Variants in PIEZO2 observed in about 807,000 individuals in gnomAD.
The protein encoded by PIEZO2 is piezo type mechanosensitive ion channel component 2.
PIEZO2 carries 172 observed loss-of-function variants against 337.3 expected under a neutral mutation model. The observed-to-expected ratio is 0.51, with a 90% CI of 0.45 to 0.58. The LOEUF is 0.58. Among genes scored for constraint, PIEZO2 ranks in the 20% least tolerant of loss-of-function variants. PIEZO2 has a pLI of 0.00. For missense variants in PIEZO2, 3,028 were observed against 3,391.3 expected (o/e 0.89, Z 2.66); for synonymous variants, 1,251 against 1,228.5 (o/e 1.02, Z -0.38).
Position 10,783,170 on chromosome 18 carries a change from C to T in PIEZO2, c.2492+1614G>A, listed in dbSNP as rs9961605. 0.85 allele frequency among the ~76,000 whole-genome samples: 128,831 copies of T among 152,140 alleles called. 54,630 individuals are homozygous for T. Among genetic ancestry groups the T allele is most frequent in the East Asian group, 0.93 (4,826 of 5,176 alleles). ...AGATTTTTTTTTAAAAAAGATTTCA[C>T]TAGCAATGCTTAATAATTACAACTC... On this transcript the variant is annotated intron_variant, in intron 17 of 55. Transcript: ENST00000674853. This position sits in a 1 kb window ranked among gnomAD's most constrained non-coding sequence, Gnocchi z 4.3.
rs1395564427 is a variant in PIEZO2 at position 11,148,073 on chromosome 18, G to A, written c.64+452C>T. On this transcript the variant is annotated intron_variant, in intron 1 of 55. Transcript: ENST00000674853. The surrounding 1 kb of genome is among the most constrained non-coding windows in gnomAD (Gnocchi z 5.2). The stretch of plus-strand genomic sequence containing the variant: ...GGAGTCCTTCACTTCTTCCTTCACG[G>A]TTGCTGGGATTTGGGGTCTGGGAGA... Among the ~76,000 whole-genome samples, 2 of 152,072 alleles carry A rather than the reference G, an allele frequency of 1.3e-5. No homozygotes were observed. Among genetic ancestry groups the A allele is most frequent in the Non-Finnish European group, 2.9e-5 (2 of 68,004 alleles).
rs78089278 is a variant in PIEZO2, at chr18:10,861,367, C to A, written c.493-4156G>T. On this transcript the variant is annotated intron_variant, in intron 5 of 55. Coordinates refer to ENST00000674853, the MANE Select transcript of PIEZO2 (RefSeq NM_001378183.1). This position sits in a 1 kb window ranked among gnomAD's most constrained non-coding sequence, Gnocchi z 4.3. Reference sequence around the variant, plus strand: ...TACAGATTATTGACCATGTCAAAATCTAAAACTTATTTAAAGATATTTAAG... The same window carrying A: ...TACAGATTATTGACCATGTCAAAATATAAAACTTATTTAAAGATATTTAAG... Among the ~76,000 whole-genome samples the A allele has an allele frequency of 0.013, 2,015 of 152,300 alleles. 50 individuals are homozygous for A. The highest frequency in any genetic ancestry group is 0.046 in the African/African-American group (1,903 of 41,572).
chr18:10,940,244 G>C lies in PIEZO2; in HGVS notation c.287-29016C>G, dbSNP rs1377709936. Among the ~76,000 whole-genome samples the C allele has an allele frequency of 6.6e-6, 1 of 152,202 alleles. No individual in the cohort carries two copies. The highest frequency in any genetic ancestry group is 1.5e-5 in the Non-Finnish European group (1 of 68,040). On this transcript the variant is annotated intron_variant, in intron 3 of 55. Transcript: ENST00000674853. The surrounding 1 kb of genome is among the most constrained non-coding windows in gnomAD (Gnocchi z 5.3). Reference sequence around the variant, plus strand: ...TGATATTCAAGATGCGTGAATTAGTGAGTACCTCATAAAGCCCTGGCATGA... The same window carrying C: ...TGATATTCAAGATGCGTGAATTAGTCAGTACCTCATAAAGCCCTGGCATGA...
At position 10,857,116 on chromosome 18, in the gene PIEZO2, C is replaced by G; in HGVS notation, c.588G>C (p.Thr196=). The change falls in exon 6 of 56, where the codon ACG becomes ACC. Residue 196 remains threonine, a synonymous_variant. Coordinates refer to ENST00000674853, the MANE Select transcript of PIEZO2 (RefSeq NM_001378183.1). Reference sequence around the variant, plus strand: ...CAAGCCTGCGGAACATTTTTAACTTCGTGCTTTCTTCCAACTCGCCTTCAA... The same window carrying G: ...CAAGCCTGCGGAACATTTTTAACTTGGTGCTTTCTTCCAACTCGCCTTCAA... ...DGVEGELEES[T]KLKMFRRLAS... The G allele has an allele frequency of 6.5e-7, 1 of 1,537,774 alleles. No individual in the cohort carries two copies. Among genetic ancestry groups the G allele is most frequent in the East Asian group, 2.4e-5 (1 of 40,918 alleles).
intron 1 of PIEZO2, among the ~76,000 whole-genome samples, chr18:11,091,382 T>TAAA (rs2039084336): frequency 2.4e-5 from 2 of 84,534 alleles, no homozygotes; most frequent in South Asian, 3.6e-4. Context: ...AGACTCCGTC[T>TAAA]CAAAAAAAAA....
intron 36 of PIEZO2, among the ~76,000 whole-genome samples, chr18:10,729,401 G>A (rs1033607705): frequency 6.6e-6 from 1 of 152,012 alleles, no homozygotes; most frequent in African/African-American, 2.4e-5. Flanking sequence ...CAAGGTGGAC[G>A]GATCACTTGA....
intron 27 of PIEZO2, among the ~76,000 whole-genome samples, chr18:10,754,061 T>G (rs1360243678): frequency 1.3e-5 from 2 of 152,214 alleles, no homozygotes; most frequent in African/African-American, 2.4e-5. Flanking sequence ...GAGTGCAGCT[T>G]ATTCTTTCCA....
chr18:10,691,213 AGAGC>A lies in PIEZO2; in HGVS notation c.7349+8_7349+11del. ...CCCCCATAAGTGACTGTGACGTTGC[AGAGC>A]GTCCTACCCTTGGAATAAGAAGAGG... On this transcript the variant is annotated splice_region_variant and intron_variant, in intron 48 of 55. Coordinates refer to ENST00000674853, the MANE Select transcript of PIEZO2 (RefSeq NM_001378183.1). The A allele has an allele frequency of 6.2e-7, 1 of 1,610,574 alleles. No homozygotes were observed. The highest frequency in any genetic ancestry group is 8.5e-7 in the Non-Finnish European group (1 of 1,178,624).
chr18:11,011,390 A>AAAGC (rs2035895649), intron 2 of PIEZO2, among the ~76,000 whole-genome samples: 1 of 152,176 alleles, frequency 6.6e-6, no homozygotes, highest in Non-Finnish European at 1.5e-5. Flanking sequence ...GCCGTGTTTG[A>AAAGC]CTTTTATCTC....
At chr18:10,964,642 T>G (rs867103617) in intron 3 of PIEZO2, among the ~76,000 whole-genome samples, 1 of 152,192 alleles carries the variant, frequency 6.6e-6, no homozygotes, top group African/African-American at 2.4e-5. Context: ...TCAGGGCTAT[T>G]ACTCAAACTG....
At chr18:10,705,233 T>C (rs921387225) in intron 41 of PIEZO2, 103 bp downstream of exon 41, 15 of 1,367,414 alleles carry the variant, frequency 1.1e-5, no homozygotes, top group Non-Finnish European at 9.6e-7. Context: ...AGTGTCCAGA[T>C]GAACTTTTTT....
In PIEZO2 at chr18:10,940,267, T is replaced by C. The variant is rs1388693144; in HGVS notation, c.287-29039A>G. ...GTGAGTACCTCATAAAGCCCTGGCA[T>C]GAATTGGTAATAAAAATCTAGTGAG... is the stretch of plus-strand genomic sequence containing the variant. On this transcript the variant is annotated intron_variant, in intron 3 of 55. Coordinates refer to ENST00000674853, the MANE Select transcript of PIEZO2 (RefSeq NM_001378183.1). The surrounding 1 kb of genome is among the most constrained non-coding windows in gnomAD (Gnocchi z 5.3). Among the ~76,000 whole-genome samples the C allele has an allele frequency of 2.0e-5, 3 of 152,238 alleles. No homozygotes were observed. The highest frequency in any genetic ancestry group is 2.9e-5 in the Non-Finnish European group (2 of 68,046).
chr18:11,008,139 T>G lies in PIEZO2; in HGVS notation c.161-28479A>C, dbSNP rs546206098. On this transcript the variant is annotated intron_variant, in intron 2 of 55. Transcript: ENST00000674853. ...TACCAATTTTTTTCCCATCAATCAC[T>G]TGGTGGGCAGCAAATTCATTGAATT... Among the ~76,000 whole-genome samples the G allele has an allele frequency of 6.6e-5, 10 of 152,244 alleles. No individual in the cohort carries two copies. In the South Asian group the frequency reaches 1.9e-3, roughly 28 times the overall value.
intron 3 of PIEZO2, among the ~76,000 whole-genome samples, chr18:10,978,066 T>C (rs1185533995): frequency 6.6e-6 from 1 of 152,150 alleles, no homozygotes; most frequent in Non-Finnish European, 1.5e-5. Flanking sequence ...CTCACGCCTG[T>C]AATCCCAGCA....
chr18:10,877,942 C>T lies in PIEZO2; in HGVS notation c.330-6527G>A, dbSNP rs569885841. Among the ~76,000 whole-genome samples, 7 of 152,266 alleles carry T rather than the reference C, an allele frequency of 4.6e-5. No homozygotes were observed. The highest frequency in any genetic ancestry group is 1.7e-4 in the African/African-American group (7 of 41,550). The stretch of plus-strand genomic sequence containing the variant: ...CCCAGAACGCGCCAGTGTTTTCCCT[C>T]TGAGCAAGTGTGCAGTCTTCTCCCT... On this transcript the variant is annotated intron_variant, in intron 4 of 55. Transcript: ENST00000674853. The surrounding 1 kb of genome is among the most constrained non-coding windows in gnomAD (Gnocchi z 5.3).
At chr18:10,769,669 T>G (rs1198499103) in intron 21 of PIEZO2, 2 of 152,656 alleles carry the variant, frequency 1.3e-5, no homozygotes, top group African/African-American at 4.8e-5. Flanking sequence ...TTCTTTACAA[T>G]CAAGGAAACA....
chr18:10,720,311 GTA>G lies in PIEZO2; in HGVS notation c.5030-2054_5030-2053del, dbSNP rs1226439947. ...ATATGTATATTCTCTCTCTCTGTGT[GTA>G]TATATATATATATAATATATATATC... On this transcript the variant is annotated intron_variant, in intron 36 of 55. Coordinates refer to ENST00000674853, the MANE Select transcript of PIEZO2 (RefSeq NM_001378183.1). 5.1e-4 allele frequency among the ~76,000 whole-genome samples: 61 copies of G among 119,602 alleles called. 1 individual carries two copies. The highest frequency in any genetic ancestry group is 1.4e-3 in the African/African-American group (39 of 27,636). 78.5% of individuals were successfully genotyped at this position (119,602 alleles called of 152,430 possible). A position where few individuals can be genotyped will look rare whatever the true frequency, so the allele number is the denominator to read the frequency against.
chr18:10,949,625 T>C (rs934124296), intron 3 of PIEZO2, among the ~76,000 whole-genome samples: 3 of 152,246 alleles, frequency 2.0e-5, no homozygotes, highest in African/African-American at 7.2e-5. Flanking sequence ...TGCATTGAAT[T>C]GGTTGTGACA....
chr18:10,768,627 T>C (rs1379075518), intron 21 of PIEZO2, among the ~76,000 whole-genome samples: 2 of 152,126 alleles, frequency 1.3e-5, no homozygotes, highest in East Asian at 3.9e-4. Flanking sequence ...GTGAGAGAGA[T>C]GAAATTAGGA....
Sources: gnomAD v4.1 joint callset for allele counts (sites outside exome capture counted in the v4.1 genomes callset) on GRCh38, gnomAD v4.1.1 for gene constraint, Gnocchi (gnomAD v3.1) non-coding constraint, MANE v1.5 for transcripts, NCBI Gene and HGNC (gene_info 2026-07-23, HGNC 2026-07-21) for gene names.